Variants in RBPMS2 observed in about 807,000 individuals in gnomAD.
RBPMS2 encodes the protein RNA binding protein, mRNA processing factor 2, also known as RNA-binding protein with multiple splicing 2.
A neutral mutation model predicts 25.7 loss-of-function variants in RBPMS2; 14 were observed. That is an observed-to-expected ratio of 0.55 (90% CI 0.36 to 0.85). RBPMS2 has a LOEUF of 0.85. Ranked by LOEUF, RBPMS2 falls within the 40% of genes least tolerant of loss-of-function variation. RBPMS2 has a pLI of 0.01. For synonymous variants in RBPMS2, 127 were observed against 115.6 expected (o/e 1.10, Z -0.63); for missense variants, 252 against 283.4 (o/e 0.89, Z 0.80).
chr15:64,773,906 G>A (rs2083909380), intron 1 of RBPMS2, among the ~76,000 whole-genome samples: 1 of 152,336 alleles, frequency 6.6e-6, no homozygotes, highest in East Asian at 1.9e-4. Flanking sequence ...AAGGTACAAG[G>A]AGGGCAAGGC....
intron 1 of RBPMS2, among the ~76,000 whole-genome samples, chr15:64,754,961 T>C (rs552907786): frequency 4.6e-5 from 7 of 152,206 alleles, no homozygotes; most frequent in South Asian, 2.1e-4. Context: ...ATGATTTGGG[T>C]CAAAGACCCA....
chr15:64,748,859 G>A (rs1466581378), intron 5 of RBPMS2, 141 bp downstream of exon 5: 1 of 934,788 alleles, frequency 1.1e-6, no homozygotes, highest in Admixed American at 2.9e-5. Flanking sequence ...CTGCAGGGGA[G>A]GGAGGAAAAC....
chr15:64,743,290 A>T (rs186761750), intron 6 of RBPMS2, among the ~76,000 whole-genome samples: 11 of 152,192 alleles, frequency 7.2e-5, no homozygotes, highest in Non-Finnish European at 1.5e-5. Context: ...CGCCCTCAGC[A>T]TATCTGCTGG....
At chr15:64,767,899 C>A (rs1595795691) in intron 1 of RBPMS2, among the ~76,000 whole-genome samples, 1 of 152,296 alleles carries the variant, frequency 6.6e-6, no homozygotes, top group African/African-American at 2.4e-5. Context: ...AACTCCCAGG[C>A]TCAAGTGATC....
intron 1 of RBPMS2, among the ~76,000 whole-genome samples, chr15:64,769,306 TC>T (rs2083874437): frequency 7.0e-6 from 1 of 142,766 alleles, no homozygotes; most frequent in Non-Finnish European, 1.5e-5. Flanking sequence ...ATGCCTATAA[TC>T]CCCCTACTTG....
chr15:64,763,546 C>T (rs2083812422), intron 1 of RBPMS2, among the ~76,000 whole-genome samples: 1 of 152,180 alleles, frequency 6.6e-6, no homozygotes, highest in African/African-American at 2.4e-5. Context: ...GTTATCAGGG[C>T]CTGGCTATAA....
At chr15:64,745,643 A>C (rs908222076) in intron 6 of RBPMS2, among the ~76,000 whole-genome samples, 2 of 152,160 alleles carry the variant, frequency 1.3e-5, no homozygotes, top group African/African-American at 2.4e-5. Context: ...CCATCTTTCT[A>C]TGCTGAACCC....
intron 5 of RBPMS2, 127 bp downstream of exon 5, chr15:64,748,873 G>C: frequency 1.9e-6 from 2 of 1,064,674 alleles, no homozygotes; most frequent in African/African-American, 1.6e-5. Context: ...GGAAAACCAG[G>C]TGTTTCAAAA....
chr15:64,752,225 A>AT (rs888564738), intron 1 of RBPMS2, among the ~76,000 whole-genome samples: 5 of 152,138 alleles, frequency 3.3e-5, no homozygotes, highest in Admixed American at 2.6e-4. Context: ...AAATGTATCT[A>AT]TTTTTTTAAT....
intron 1 of RBPMS2, among the ~76,000 whole-genome samples, chr15:64,753,919 T>C (rs1010658479): frequency 1.3e-5 from 2 of 152,064 alleles, no homozygotes; most frequent in Non-Finnish European, 2.9e-5. Context: ...TGCCCTTTGA[T>C]GTAAGGGCCT....
intron 1 of RBPMS2, among the ~76,000 whole-genome samples, chr15:64,767,245 G>A (rs530466709): frequency 4.1e-4 from 61 of 149,160 alleles, no homozygotes; most frequent in African/African-American, 1.3e-3. Flanking sequence ...GACTACAGGC[G>A]TGTGCCAACA....
At chr15:64,763,179 T>C (rs1252900412) in intron 1 of RBPMS2, among the ~76,000 whole-genome samples, 1 of 152,070 alleles carries the variant, frequency 6.6e-6, no homozygotes, top group Non-Finnish European at 1.5e-5. Flanking sequence ...GTATGGCCAC[T>C]TGACGTGAGG....
At chr15:64,764,843 G>A (rs1201442583) in intron 1 of RBPMS2, among the ~76,000 whole-genome samples, 3 of 148,588 alleles carry the variant, frequency 2.0e-5, no homozygotes, top group Non-Finnish European at 4.5e-5. Flanking sequence ...GTGTGAACCC[G>A]GGAGGTGGAG....
chr15:64,755,133 G>T (rs556514905), intron 1 of RBPMS2, among the ~76,000 whole-genome samples: 23 of 152,264 alleles, frequency 1.5e-4, no homozygotes, highest in African/African-American at 5.3e-4. Flanking sequence ...TCCGCTTGGG[G>T]TAGGGTGGGG....
At chr15:64,763,503 T>C (rs899838672) in intron 1 of RBPMS2, among the ~76,000 whole-genome samples, 1 of 152,208 alleles carries the variant, frequency 6.6e-6, no homozygotes, top group African/African-American at 2.4e-5. Context: ...GTGTTCTGCC[T>C]GCCCCTGCTA....
chr15:64,769,412 G>A (rs1418373540), intron 1 of RBPMS2, among the ~76,000 whole-genome samples: 4 of 96,216 alleles, frequency 4.2e-5, no homozygotes, highest in African/African-American at 7.8e-5. Flanking sequence ...CAACAAGAGC[G>A]AAACTCCGTC....
chr15:64,760,196 G>A (rs1217320398), intron 1 of RBPMS2, among the ~76,000 whole-genome samples: 5 of 152,232 alleles, frequency 3.3e-5, no homozygotes, highest in Non-Finnish European at 7.3e-5. Context: ...AAGCAGCTGA[G>A]CAAAGCCTCC....
At chr15:64,769,285 C>T (rs1366438840) in intron 1 of RBPMS2, among the ~76,000 whole-genome samples, 1 of 150,324 alleles carries the variant, frequency 6.7e-6, no homozygotes, top group African/African-American at 2.4e-5. Context: ...ATTAGCTGGG[C>T]GTGGTAGCAC....
intron 1 of RBPMS2, among the ~76,000 whole-genome samples, chr15:64,772,609 GT>G (rs1256249815): frequency 6.6e-6 from 1 of 152,074 alleles, no homozygotes; most frequent in Non-Finnish European, 1.5e-5. Flanking sequence ...AAGCCATGTG[GT>G]TACACAAACC....
Sources: gnomAD v4.1 joint callset for allele counts (sites outside exome capture counted in the v4.1 genomes callset) on GRCh38, gnomAD v4.1.1 for gene constraint, MANE v1.5 for transcripts, NCBI Gene and HGNC (gene_info 2026-07-23, HGNC 2026-07-21) for gene names.